The following KCNJ3 variants were observed in gnomAD, a reference collection of about 807,000 sequenced individuals.
KCNJ3 encodes the protein G protein-activated inward rectifier potassium channel 1.
A neutral mutation model predicts 39.2 loss-of-function variants in KCNJ3; 4 were observed. That is an observed-to-expected ratio of 0.10 (90% confidence interval 0.05 to 0.23). The LOEUF (loss-of-function observed/expected upper bound fraction) is 0.23. KCNJ3 is among the 10% of genes least tolerant of loss of function. The probability of loss-of-function intolerance (pLI) is 1.00; values close to 1 mark genes in which losing one functional copy is unlikely to be tolerated. For missense variants in KCNJ3, 276 were observed against 634.9 expected, an observed-to-expected ratio of 0.43 and a Z score of 6.08; for synonymous variants, 230 against 237.4, an observed-to-expected ratio of 0.97 and a Z score of 0.29.
intron 2 of KCNJ3, among the ~76,000 whole-genome samples, chr2:154,796,564 G>T (rs1407972655): frequency 1.3e-5 from 2 of 152,098 alleles, no homozygotes; most frequent in Non-Finnish European, 2.9e-5. Context: ...AAAGAATTTA[G>T]CATTTGAGAA....
Position 154,846,797 on chromosome 2 carries a change from T to C in KCNJ3, c.920-7930T>C, listed in dbSNP as rs112882215. Reference sequence around the variant, plus strand: ...AAAAATCTATTATTTCTTCTTTTGTTCTGGGAGCTTAGAAACCTTAAGTAT... The same window carrying C: ...AAAAATCTATTATTTCTTCTTTTGTCCTGGGAGCTTAGAAACCTTAAGTAT... On this transcript the variant is annotated intron_variant, in intron 2 of 2. Coordinates refer to ENST00000295101, the MANE Select transcript of KCNJ3 (RefSeq NM_002239.4). 8.8e-3 allele frequency among the ~76,000 whole-genome samples: 1,346 copies of C among 152,312 alleles called. 24 individuals carry two copies. The highest frequency in any genetic ancestry group is 0.031 in the African/African-American group (1,275 of 41,574).
intron 2 of KCNJ3, among the ~76,000 whole-genome samples, chr2:154,813,150 G>C (rs1687030198): frequency 6.6e-6 from 1 of 152,152 alleles, no homozygotes; most frequent in Admixed American, 6.5e-5. Flanking sequence ...TCATAACTTA[G>C]TAGTTAGCAG....
At chr2:154,777,641 C>T (rs1686362119) in intron 2 of KCNJ3, among the ~76,000 whole-genome samples, 1 of 152,168 alleles carries the variant, frequency 6.6e-6, no homozygotes, top group Admixed American at 6.6e-5. Context: ...TTCTCCCACC[C>T]CCACTGTGTG....
At chr2:154,724,436 A>T (rs1041173905) in intron 2 of KCNJ3, among the ~76,000 whole-genome samples, 4 of 152,126 alleles carry the variant, frequency 2.6e-5, no homozygotes, top group African/African-American at 4.8e-5. Context: ...ATTTAAACTG[A>T]TTCAGGTAAA....
chr2:154,739,898 C>T lies in KCNJ3; in HGVS notation c.919+30079C>T, dbSNP rs564920857. ...ATAACTCAGTCTTTTCATATGTGTT[C>T]AGCAACGAATATGGCATTGTATCCT... On this transcript the variant is annotated intron_variant, in intron 2 of 2. Coordinates refer to ENST00000295101, the MANE Select transcript of KCNJ3 (RefSeq NM_002239.4). Among the ~76,000 whole-genome samples, 413 of 152,112 alleles carry T rather than the reference C, an allele frequency of 2.7e-3. 3 individuals carry two copies. The highest frequency in any genetic ancestry group is 9.5e-3 in the African/African-American group (393 of 41,520).
At chr2:154,830,322 GTT>G (rs757851824) in intron 2 of KCNJ3, among the ~76,000 whole-genome samples, 29 of 152,192 alleles carry the variant, frequency 1.9e-4, no homozygotes, top group Non-Finnish European at 4.1e-4. Context: ...TTCTTTGCCT[GTT>G]TTGTTCTCAT....
chr2:154,819,632 G>A (rs1418495469), intron 2 of KCNJ3, among the ~76,000 whole-genome samples: 1 of 151,994 alleles, frequency 6.6e-6, no homozygotes, highest in Non-Finnish European at 1.5e-5. Flanking sequence ...CCGGGTTCAA[G>A]CTATTCTTCT....
chr2:154,814,663 A>G lies in KCNJ3; in HGVS notation c.920-40064A>G, dbSNP rs553372526. Among the ~76,000 whole-genome samples the G allele has an allele frequency of 2.6e-5, 4 of 152,268 alleles. 1 individual carries two copies. Among genetic ancestry groups the G allele is most frequent in the African/African-American group, 9.6e-5 (4 of 41,574 alleles). On this transcript the variant is annotated intron_variant, in intron 2 of 2. Transcript: ENST00000295101. ...AAAAAAAATAAATAAATAAAACAAA[A>G]TAAAATAAATGAAGTATGTTAAGGG...
intron 2 of KCNJ3, among the ~76,000 whole-genome samples, chr2:154,713,240 T>A (rs1053739066): frequency 6.6e-6 from 1 of 152,144 alleles, no homozygotes; most frequent in Admixed American, 6.5e-5. Context: ...GTGGGTTGCA[T>A]GTAGTTAATT....
rs192807403 is a variant in KCNJ3 at position 154,699,606 on chromosome 2, G to A, written c.702+129G>A. ...ATAGCCACAGGTAAACTTCCTTTTGGGGGGTTGGGGGTTGGAGGACTGGGC... is the reference window on the plus strand; with the variant it reads ...ATAGCCACAGGTAAACTTCCTTTTGAGGGGTTGGGGGTTGGAGGACTGGGC... On this transcript the variant is annotated intron_variant, in intron 1 of 2. Coordinates refer to ENST00000295101, the MANE Select transcript of KCNJ3 (RefSeq NM_002239.4). The surrounding 1 kb of genome is among the most constrained non-coding windows in gnomAD (Gnocchi z 6.4). 11 of 1,361,356 alleles carry A rather than the reference G, an allele frequency of 8.1e-6. No individual in the cohort carries two copies. Among genetic ancestry groups the A allele is most frequent in the Middle Eastern group, 2.7e-4 (1 of 3,770 alleles). 84.3% of individuals were successfully genotyped at this position (1,361,356 alleles called of 1,614,324 possible).
At chr2:154,738,389 T>C (rs1020790513) in intron 2 of KCNJ3, among the ~76,000 whole-genome samples, 3 of 152,068 alleles carry the variant, frequency 2.0e-5, no homozygotes, top group Non-Finnish European at 4.4e-5. Context: ...AATAACTTAA[T>C]TGCACATTTT....
chr2:154,803,359 T>G (rs990732434), intron 2 of KCNJ3, among the ~76,000 whole-genome samples: 4 of 151,948 alleles, frequency 2.6e-5, no homozygotes, highest in Non-Finnish European at 5.9e-5. Flanking sequence ...AAATAAGAAT[T>G]GGAATAATTT....
At chr2:154,796,237 A>G (rs1432342815) in intron 2 of KCNJ3, among the ~76,000 whole-genome samples, 1 of 152,132 alleles carries the variant, frequency 6.6e-6, no homozygotes, top group Non-Finnish European at 1.5e-5. Flanking sequence ...CATTCTAGGA[A>G]TGGCACTGAG....
chr2:154,750,307 CTT>C (rs1262162097), intron 2 of KCNJ3, among the ~76,000 whole-genome samples: 2 of 151,824 alleles, frequency 1.3e-5, no homozygotes, highest in Admixed American at 6.6e-5. Context: ...AGGTTATAAA[CTT>C]TGCTAATTTG....
intron 2 of KCNJ3, among the ~76,000 whole-genome samples, chr2:154,745,345 A>T (rs890671969): frequency 8.6e-5 from 13 of 152,012 alleles, no homozygotes; most frequent in African/African-American, 2.7e-4. Flanking sequence ...GCTGACAATT[A>T]GTATATTTCT....
intron 2 of KCNJ3, among the ~76,000 whole-genome samples, chr2:154,733,807 A>G (rs1685481645): frequency 6.6e-6 from 1 of 152,062 alleles, no homozygotes; most frequent in Non-Finnish European, 1.5e-5. Context: ...CCTACTGGGG[A>G]GTTTGTTATT....
chr2:154,812,903 A>C (rs1430995410), intron 2 of KCNJ3, among the ~76,000 whole-genome samples: 1 of 152,206 alleles, frequency 6.6e-6, no homozygotes, highest in Non-Finnish European at 1.5e-5. Context: ...AATCGTAAGT[A>C]AGATTTATTG....
intron 2 of KCNJ3, among the ~76,000 whole-genome samples, chr2:154,711,156 T>C (rs1685096399): frequency 6.6e-6 from 1 of 152,106 alleles, no homozygotes; most frequent in Non-Finnish European, 1.5e-5. Flanking sequence ...CTCCCATTCA[T>C]TTTTTCAACT....
chr2:154,699,541 G>C lies in KCNJ3; in HGVS notation c.702+64G>C. On this transcript the variant is annotated intron_variant, in intron 1 of 2. Transcript: ENST00000295101. The surrounding 1 kb of genome is among the most constrained non-coding windows in gnomAD (Gnocchi z 6.4). ...GTCCCCCAAACCCGCGGAGTAACTCGTCTGAGAACCAGCCCGGGCCCCCTC... is the reference window on the plus strand; with the variant it reads ...GTCCCCCAAACCCGCGGAGTAACTCCTCTGAGAACCAGCCCGGGCCCCCTC... 7 of 1,493,438 alleles carry C rather than the reference G, an allele frequency of 4.7e-6. No homozygotes were observed. Among genetic ancestry groups the C allele is most frequent in the Non-Finnish European group, 6.2e-6 (7 of 1,123,380 alleles). 92.5% of individuals were successfully genotyped at this position (1,493,438 alleles called of 1,614,324 possible).
Sources: allele counts gnomAD v4.1 joint callset (sites outside exome capture counted in the v4.1 genomes callset), GRCh38; gene constraint gnomAD v4.1.1; non-coding constraint Gnocchi (gnomAD v3.1); transcripts MANE v1.5; gene names NCBI Gene and HGNC (gene_info 2026-07-23, HGNC 2026-07-21).